PTPRR: variants seen among roughly 807,000 people sequenced by gnomAD.
PTPRR encodes receptor-type tyrosine-protein phosphatase R.
PTPRR carries 38 observed loss-of-function variants against 77.2 expected under a neutral mutation model. That is an observed-to-expected ratio of 0.49 (90% CI 0.38 to 0.65). The LOEUF is 0.65. PTPRR is among the 30% of genes least tolerant of loss of function. PTPRR has a pLI of 0.00. For synonymous variants in PTPRR, 299 were observed against 283.1 expected (o/e 1.06, Z -0.57); for missense variants, 744 against 799.2 (o/e 0.93, Z 0.83).
intron 1 of PTPRR, among the ~76,000 whole-genome samples, chr12:70,906,040 A>G (rs955107429): frequency 6.6e-6 from 1 of 152,038 alleles, no homozygotes; most frequent in African/African-American, 2.4e-5. Context: ...TTAAAAATAC[A>G]TAATTGTAGC....
intron 2 of PTPRR, among the ~76,000 whole-genome samples, chr12:70,795,844 G>C (rs1412272459): frequency 6.7e-6 from 1 of 148,880 alleles, no homozygotes; most frequent in Non-Finnish European, 1.5e-5. Context: ...TTTGAGGAAG[G>C]CAATTGCTAA....
At chr12:70,801,008 G>C (rs945204923) in intron 2 of PTPRR, among the ~76,000 whole-genome samples, 1 of 152,014 alleles carries the variant, frequency 6.6e-6, no homozygotes, top group Non-Finnish European at 1.5e-5. Context: ...CATTAACATG[G>C]AGAAGATCAT....
chr12:70,732,517 C>T (rs2136887347), intron 6 of PTPRR, among the ~76,000 whole-genome samples: 1 of 152,296 alleles, frequency 6.6e-6, no homozygotes, highest in South Asian at 2.1e-4. Context: ...GCACCACAGG[C>T]TTCTGTGGGG....
rs370612806 is a variant in PTPRR at position 70,866,996 on chromosome 12, A to C, written c.357+25683T>G. Among the ~76,000 whole-genome samples the C allele has an allele frequency of 1.3e-3, 191 of 151,886 alleles. 1 individual carries two copies. The East Asian group carries it at 0.027, about 21-fold the overall frequency. ...AAAATTCAAAATTCAGCAACCCTTC[A>C]TGCTAAAAACTCTCAATAAATTAGG... On this transcript the variant is annotated intron_variant, in intron 2 of 13. Coordinates refer to ENST00000283228, the MANE Select transcript of PTPRR (RefSeq NM_002849.4).
chr12:70,842,754 A>C (rs1032224770), intron 2 of PTPRR, among the ~76,000 whole-genome samples: 1 of 152,214 alleles, frequency 6.6e-6, no homozygotes, highest in Non-Finnish European at 1.5e-5. Context: ...AGTCTTAATC[A>C]CATCTGCAAA....
chr12:70,909,423 C>T (rs1189338170), intron 1 of PTPRR, among the ~76,000 whole-genome samples: 2 of 152,178 alleles, frequency 1.3e-5, no homozygotes, highest in African/African-American at 4.8e-5. Context: ...AATTTATCTG[C>T]TTCAGAATGT....
At chr12:70,765,823 A>C (rs141917111) in intron 2 of PTPRR, among the ~76,000 whole-genome samples, 4,520 of 152,238 alleles carry the variant, frequency 0.03, 224 homozygotes, top group African/African-American at 0.1. Context: ...AAACTTCAAG[A>C]GGAACGATCA....
intron 2 of PTPRR, among the ~76,000 whole-genome samples, chr12:70,880,398 A>G (rs1893128786): frequency 6.6e-6 from 1 of 152,168 alleles, no homozygotes; most frequent in Non-Finnish European, 1.5e-5. Flanking sequence ...CACAGCTTCT[A>G]ATTATACCTT....
At position 70,698,263 on chromosome 12, in the gene PTPRR, A is replaced by G. The variant is rs751976583; in HGVS notation, c.1279+2T>C. On this transcript the variant is annotated splice_donor_variant, in intron 8 of 13. Coordinates refer to ENST00000283228, the MANE Select transcript of PTPRR (RefSeq NM_002849.4). LOFTEE classifies it high-confidence loss of function. Reference sequence around the variant, plus strand: ...TGCAAATTATAAAATCAAGAAGCTTACTTGGTAAAATGGTCTTATAGCGAT... The same window carrying G: ...TGCAAATTATAAAATCAAGAAGCTTGCTTGGTAAAATGGTCTTATAGCGAT... 6.2e-7 allele frequency: 1 copy of G among 1,611,842 alleles called. No homozygotes were observed. Among genetic ancestry groups the G allele is most frequent in the Non-Finnish European group, 8.5e-7 (1 of 1,178,338 alleles).
intron 1 of PTPRR, among the ~76,000 whole-genome samples, chr12:70,899,730 G>C (rs1893498860): frequency 6.6e-6 from 1 of 151,122 alleles, no homozygotes; most frequent in Non-Finnish European, 1.5e-5. Context: ...CAAAGAAAAG[G>C]AGCAAAAGAC....
intron 2 of PTPRR, among the ~76,000 whole-genome samples, chr12:70,790,848 A>G (rs1171880913): frequency 6.6e-6 from 1 of 152,166 alleles, no homozygotes; most frequent in East Asian, 1.9e-4. Context: ...TCTCAAAAAC[A>G]AGAGACAAAA....
intron 2 of PTPRR, among the ~76,000 whole-genome samples, chr12:70,815,155 T>G (rs1341991946): frequency 2.7e-5 from 2 of 73,090 alleles, no homozygotes; most frequent in African/African-American, 6.7e-5. Context: ...AAAACCCACG[T>G]GTCACTTCTA....
At chr12:70,681,428 G>A (rs1457152037) in intron 10 of PTPRR, among the ~76,000 whole-genome samples, 2 of 152,228 alleles carry the variant, frequency 1.3e-5, no homozygotes, top group African/African-American at 4.8e-5. Flanking sequence ...CAGCAACAAA[G>A]AGTGCAGATG....
chr12:70,895,987 C>T (rs746436207), intron 1 of PTPRR, among the ~76,000 whole-genome samples: 18 of 151,480 alleles, frequency 1.2e-4, no homozygotes, highest in African/African-American at 2.2e-4. Flanking sequence ...GGTGTAGAAG[C>T]GCAAGAAACT....
chr12:70,643,352 TAA>T (rs146246598), intron 13 of PTPRR, among the ~76,000 whole-genome samples: 4,801 of 152,022 alleles, frequency 0.032, 99 homozygotes, highest in Non-Finnish European at 0.046. Context: ...TTTTGTTTTT[TAA>T]GAGAGAGAGA....
chr12:70,669,253 C>G (rs1179205965), intron 10 of PTPRR, among the ~76,000 whole-genome samples: 1 of 151,814 alleles, frequency 6.6e-6, no homozygotes, highest in African/African-American at 2.4e-5. Flanking sequence ...AAGACTTTAC[C>G]AGCCAGAAGT....
At chr12:70,685,021 C>T (rs529813844) in intron 8 of PTPRR, 1 of 327,268 alleles carries the variant, frequency 3.1e-6, no homozygotes, top group African/African-American at 2.1e-5. Context: ...TATTTCAGGC[C>T]ATTTCTCATC....
chr12:70,793,428 C>T (rs1891455342), intron 2 of PTPRR, among the ~76,000 whole-genome samples: 1 of 152,134 alleles, frequency 6.6e-6, no homozygotes, highest in Non-Finnish European at 1.5e-5. Flanking sequence ...AAAACAATGG[C>T]TACCAAGAGG....
intron 8 of PTPRR, among the ~76,000 whole-genome samples, chr12:70,697,883 G>A (rs1387733917): frequency 2.0e-5 from 3 of 152,056 alleles, no homozygotes; most frequent in Admixed American, 2.0e-4. Flanking sequence ...GTGTCTATTG[G>A]AATTGTGACC....
Sources: gnomAD v4.1 joint callset for allele counts (sites outside exome capture counted in the v4.1 genomes callset) on GRCh38, gnomAD v4.1.1 for gene constraint, MANE v1.5 for transcripts, NCBI Gene and HGNC (gene_info 2026-07-23, HGNC 2026-07-21) for gene names.